Variants in CORIN observed in about 807,000 individuals in gnomAD.
CORIN encodes the protein corin, serine peptidase.
A neutral mutation model predicts 125.3 loss-of-function variants in CORIN; 117 were observed. That is an observed-to-expected ratio of 0.93 (90% CI 0.80 to 1.09). The LOEUF is 1.09. Ranked by LOEUF, CORIN falls within the 50% of genes least tolerant of loss-of-function variation. CORIN has a pLI of 0.00. For synonymous variants in CORIN, 450 were observed against 466.4 expected (o/e 0.96, Z 0.45); for missense variants, 1,253 against 1,306.7 (o/e 0.96, Z 0.63).
chr4:47,703,760 C>T (rs900010589), intron 5 of CORIN, among the ~76,000 whole-genome samples: 48 of 152,172 alleles, frequency 3.2e-4, no homozygotes, highest in African/African-American at 8.4e-4. Flanking sequence ...TATTGAAAAA[C>T]GCCTTTTGCT....
intron 5 of CORIN, among the ~76,000 whole-genome samples, chr4:47,703,615 T>G (rs567512197): frequency 1.8e-4 from 28 of 152,272 alleles, no homozygotes; most frequent in Non-Finnish European, 3.8e-4. Context: ...CCCACCTACT[T>G]TGGGATCGTC....
chr4:47,739,316 A>C (rs988748113), intron 5 of CORIN, among the ~76,000 whole-genome samples: 1 of 152,142 alleles, frequency 6.6e-6, no homozygotes, highest in African/African-American at 2.4e-5. Context: ...GCAACTCATC[A>C]GATAAAATGG....
At chr4:47,789,637 C>A (rs1471659700) in intron 2 of CORIN, among the ~76,000 whole-genome samples, 1 of 152,176 alleles carries the variant, frequency 6.6e-6, no homozygotes, top group Non-Finnish European at 1.5e-5. Context: ...CAACTCCCAA[C>A]ACGGTTGTCT....
intron 18 of CORIN, 58 bp from the exon 19 acceptor site, chr4:47,623,803 A>C: frequency 6.2e-7 from 1 of 1,611,190 alleles, no homozygotes; most frequent in Middle Eastern, 1.7e-4. Flanking sequence ...CTAAATGCTT[A>C]GCTCTTTGCT....
chr4:47,799,106 GGTGTGTGTGTGTGTGTGTGT>G (rs764434569), intron 2 of CORIN, among the ~76,000 whole-genome samples: 1 of 141,450 alleles, frequency 7.1e-6, no homozygotes, highest in Non-Finnish European at 1.6e-5. Flanking sequence ...TATCCCATGG[GGTGTGTGTGTGTGTGTGTGT>G]GTGTGTGTGT....
intron 3 of CORIN, among the ~76,000 whole-genome samples, chr4:47,782,442 A>G (rs904252742): frequency 1.3e-5 from 2 of 152,174 alleles, no homozygotes; most frequent in African/African-American, 2.4e-5. Context: ...CAAATCTACA[A>G]TAATAGTTGG....
intron 5 of CORIN, chr4:47,706,502 G>C: frequency 6.2e-7 from 1 of 1,611,522 alleles, no homozygotes; most frequent in Non-Finnish European, 8.5e-7. Context: ...CGCCCCACCC[G>C]GCCTGATAAA....
chr4:47,613,745 G>A (rs967717750), intron 19 of CORIN, among the ~76,000 whole-genome samples: 1 of 147,284 alleles, frequency 6.8e-6, no homozygotes, highest in African/African-American at 2.5e-5. Context: ...ACTCATAGGT[G>A]GGAATTGAAC....
chr4:47,600,811 A>G (rs544769573), intron 20 of CORIN, among the ~76,000 whole-genome samples: 3 of 152,334 alleles, frequency 2.0e-5, no homozygotes, highest in Admixed American at 2.0e-4. Context: ...GATGAAAAGA[A>G]TATGCCTCAA....
Position 47,623,618 on chromosome 4 carries a change from G to A in CORIN, c.2493C>T (p.Val831=). Residue 831 remains valine (V), a synonymous_variant, in exon 19 of 22, where the codon GTC becomes GTT. Coordinates refer to ENST00000273857, the MANE Select transcript of CORIN (RefSeq NM_006587.4). Reference sequence around the variant, plus strand: ...TCAGAACCCACTTCTTGGCAATGAGGACACAGCCACAGATATGTCCACTGG... The same window carrying A: ...TCAGAACCCACTTCTTGGCAATGAGAACACAGCCACAGATATGTCCACTGG... The part of the protein sequence containing the change: ...SEPSGHICGC[V]LIAKKWVLTV... 1 of 1,614,172 alleles carries A rather than the reference G, an allele frequency of 6.2e-7. No individual in the cohort carries two copies. The highest frequency in any genetic ancestry group is 8.5e-7 in the Non-Finnish European group (1 of 1,180,020).
intron 5 of CORIN, among the ~76,000 whole-genome samples, chr4:47,730,213 G>A (rs1055180645): frequency 3.9e-5 from 6 of 152,028 alleles, no homozygotes; most frequent in African/African-American, 9.7e-5. Flanking sequence ...GGTGGCTCAC[G>A]CCTGTAATCC....
rs944597785 is a variant in CORIN, at chr4:47,837,876, A to G, written c.63+11T>C. ...CCTGGCTGCGGTAGGACAGCGAATC[A>G]TCGATCTTACCGGCTTTGGGGACCC... is the stretch of plus-strand genomic sequence containing the variant. On this transcript the variant is annotated intron_variant, in intron 1 of 21. Coordinates refer to ENST00000273857, the MANE Select transcript of CORIN (RefSeq NM_006587.4). 1.2e-6 allele frequency: 2 copies of G among 1,612,468 alleles called. No homozygotes were observed. Among genetic ancestry groups the G allele is most frequent in the African/African-American group, 1.3e-5 (1 of 74,894 alleles).
At chr4:47,772,437 T>C (rs574152299) in intron 3 of CORIN, among the ~76,000 whole-genome samples, 2 of 152,346 alleles carry the variant, frequency 1.3e-5, no homozygotes, top group Admixed American at 1.3e-4. Context: ...GCAGCATCTG[T>C]CAGGCATTTT....
intron 5 of CORIN, among the ~76,000 whole-genome samples, chr4:47,710,036 G>A (rs1346442552): frequency 6.6e-6 from 1 of 152,192 alleles, no homozygotes; most frequent in African/African-American, 2.4e-5. Context: ...AGTCAGTTTT[G>A]TGTAAGTCTG....
intron 1 of CORIN, among the ~76,000 whole-genome samples, chr4:47,823,047 T>A (rs554529157): frequency 6.6e-6 from 1 of 152,308 alleles, no homozygotes; most frequent in South Asian, 2.1e-4. Flanking sequence ...TCTCTTGACC[T>A]CATGATCTGT....
chr4:47,597,054 T>C (rs1212577551), intron 21 of CORIN, among the ~76,000 whole-genome samples: 2 of 152,062 alleles, frequency 1.3e-5, no homozygotes, highest in African/African-American at 4.8e-5. Context: ...ATATTATTGC[T>C]ATGAAAGAGA....
At chr4:47,817,549 G>C (rs1187863632) in intron 1 of CORIN, among the ~76,000 whole-genome samples, 3 of 152,142 alleles carry the variant, frequency 2.0e-5, no homozygotes, top group African/African-American at 7.2e-5. Context: ...CAAGTTTTTA[G>C]CTTCTGGAGG....
At chr4:47,762,808 A>C (rs1729530275) in intron 4 of CORIN, among the ~76,000 whole-genome samples, 2 of 152,144 alleles carry the variant, frequency 1.3e-5, no homozygotes, top group Admixed American at 1.3e-4. Context: ...GAGGTGAGTG[A>C]GGTCAGGGTA....
chr4:47,751,315 T>A (rs1406032375), intron 4 of CORIN, among the ~76,000 whole-genome samples: 1 of 152,216 alleles, frequency 6.6e-6, no homozygotes, highest in Non-Finnish European at 1.5e-5. Flanking sequence ...GCATATACAT[T>A]ATGTTTTTGG....
Sources: allele counts gnomAD v4.1 joint callset (sites outside exome capture counted in the v4.1 genomes callset), GRCh38; gene constraint gnomAD v4.1.1; transcripts MANE v1.5; gene names NCBI Gene and HGNC (gene_info 2026-07-23, HGNC 2026-07-21).